FAM210A: variants seen among roughly 807,000 people sequenced by gnomAD.
The protein encoded by FAM210A is family with sequence similarity 210 member A.
FAM210A carries 13 observed loss-of-function variants against 25.3 expected under a neutral mutation model. The observed-to-expected ratio is 0.51, with a 90% CI of 0.33 to 0.82. The LOEUF (loss-of-function observed/expected upper bound fraction) is 0.82, where lower values mean the gene tolerates loss of function less well. Among genes scored for constraint, FAM210A ranks in the 40% least tolerant of loss-of-function variants. The pLI is 0.02. For synonymous variants in FAM210A, 125 were observed against 118.7 expected (o/e 1.05, Z -0.35); for missense variants, 319 against 323.2 (o/e 0.99, Z 0.10).
At chr18:13,717,065 G>A (rs375772244) in intron 1 of FAM210A, among the ~76,000 whole-genome samples, 5 of 152,162 alleles carry the variant, frequency 3.3e-5, no homozygotes, top group African/African-American at 1.2e-4. Flanking sequence ...TCCAGTTTCT[G>A]TTACTTGCAG....
At chr18:13,677,558 C>T (rs922987725) in intron 2 of FAM210A, among the ~76,000 whole-genome samples, 7 of 152,228 alleles carry the variant, frequency 4.6e-5, no homozygotes, top group Non-Finnish European at 1.0e-4. Context: ...CTGTAATTTA[C>T]AGATAACAGA....
chr18:13,667,690 C>G (rs763935000), intron 3 of FAM210A, among the ~76,000 whole-genome samples: 2 of 151,728 alleles, frequency 1.3e-5, no homozygotes, highest in Non-Finnish European at 2.9e-5. Context: ...TGCGCTCCAG[C>G]CTGGGCGACA....
intron 2 of FAM210A, among the ~76,000 whole-genome samples, chr18:13,673,181 A>G (rs1454634009): frequency 2.0e-5 from 3 of 151,302 alleles, no homozygotes; most frequent in Non-Finnish European, 4.4e-5. Context: ...TTTCCTGATT[A>G]TTAACATTCC....
intron 1 of FAM210A, among the ~76,000 whole-genome samples, chr18:13,689,658 G>A (rs1482616485): frequency 6.6e-6 from 1 of 152,128 alleles, no homozygotes; most frequent in Non-Finnish European, 1.5e-5. Context: ...TTCCCAGCTA[G>A]TGCAACAAGG....
intron 1 of FAM210A, among the ~76,000 whole-genome samples, chr18:13,714,147 T>C (rs1403087485): frequency 6.6e-6 from 1 of 152,192 alleles, no homozygotes; most frequent in Non-Finnish European, 1.5e-5. Context: ...CAAATTAGTA[T>C]AATATGTGTT....
chr18:13,696,849 G>A (rs2043698696), intron 1 of FAM210A, among the ~76,000 whole-genome samples: 1 of 151,916 alleles, frequency 6.6e-6, no homozygotes, highest in Non-Finnish European at 1.5e-5. Flanking sequence ...TATTTACAAA[G>A]TCCACAGTAG....
At chr18:13,672,342 C>T (rs2043449821) in intron 2 of FAM210A, among the ~76,000 whole-genome samples, 1 of 152,194 alleles carries the variant, frequency 6.6e-6, no homozygotes, top group African/African-American at 2.4e-5. Context: ...AATACCACTT[C>T]CTTAGAATGC....
intron 1 of FAM210A, chr18:13,715,487 C>A (rs1046653981): frequency 1.3e-5 from 2 of 152,208 alleles, no homozygotes; most frequent in Non-Finnish European, 2.9e-5. Flanking sequence ...TGTGATTGCA[C>A]TAATACATAT....
intron 1 of FAM210A, among the ~76,000 whole-genome samples, chr18:13,696,261 G>T (rs1268239740): frequency 1.3e-5 from 2 of 152,110 alleles, no homozygotes; most frequent in Admixed American, 1.3e-4. Context: ...AAAATACCCA[G>T]AATAGCCAAC....
At chr18:13,682,756 C>T (rs2043566451) in intron 1 of FAM210A, among the ~76,000 whole-genome samples, 1 of 152,144 alleles carries the variant, frequency 6.6e-6, no homozygotes, top group Non-Finnish European at 1.5e-5. Flanking sequence ...GTAATTCCAG[C>T]TACTCGGGAG....
rs139093482 is a variant in FAM210A at position 13,664,213 on chromosome 18, A to G, written c.*2267T>C. 103 of 152,358 alleles carry G rather than the reference A, an allele frequency of 6.8e-4. 1 individual carries two copies. Among genetic ancestry groups the G allele is most frequent in the African/African-American group, 2.3e-3 (97 of 41,590 alleles). The allele number at this position is 152,358 out of a possible 1,614,324, so 9.4% of individuals were successfully genotyped here. On this transcript the variant is annotated 3_prime_UTR_variant, in exon 4 of 4. Coordinates refer to ENST00000651643, the MANE Select transcript of FAM210A (RefSeq NM_152352.4). Reference sequence around the variant, plus strand: ...TCATTCAAGCAGTAACTCATTGTCTATTAGACTAACACAACATGATCATGA... The same window carrying G: ...TCATTCAAGCAGTAACTCATTGTCTGTTAGACTAACACAACATGATCATGA...
chr18:13,705,791 C>A (rs956130609), intron 1 of FAM210A, among the ~76,000 whole-genome samples: 1 of 152,106 alleles, frequency 6.6e-6, no homozygotes, highest in Admixed American at 6.6e-5. Flanking sequence ...AATTTCATAA[C>A]CAATGTTTAG....
Position 13,666,539 on chromosome 18 carries a change from GTCTA to G in FAM210A, c.756_759del (p.Arg253SerfsTer27). 6.2e-7 allele frequency: 1 copy of G among 1,614,092 alleles called. No individual in the cohort carries two copies. Among genetic ancestry groups the G allele is most frequent in the East Asian group, 2.2e-5 (1 of 44,880 alleles). On this transcript the variant is annotated frameshift_variant, in exon 4 of 4. Transcript: ENST00000651643. LOFTEE classifies it high-confidence loss of function. ...TTGGTTTCTTGTAACTTTTCAGTGA[GTCTA>G]TCTTTTGTTTCTTCCATTTTCTCTG...
chr18:13,705,298 A>G (rs1007379040), intron 1 of FAM210A, among the ~76,000 whole-genome samples: 2 of 152,242 alleles, frequency 1.3e-5, no homozygotes, highest in Non-Finnish European at 1.5e-5. Flanking sequence ...TCAAGAGGAC[A>G]TAAGTCTAAC....
intron 3 of FAM210A, among the ~76,000 whole-genome samples, chr18:13,670,081 C>T (rs758929752): frequency 2.0e-5 from 3 of 152,108 alleles, no homozygotes; most frequent in Non-Finnish European, 4.4e-5. Context: ...TCCACAAACA[C>T]GTGCTGAGCA....
intron 1 of FAM210A, among the ~76,000 whole-genome samples, chr18:13,719,638 C>A (rs1477314421): frequency 2.0e-5 from 3 of 152,010 alleles, no homozygotes; most frequent in Admixed American, 6.5e-5. Context: ...ATGGTTAATT[C>A]TCAGAAGTAA....
intron 1 of FAM210A, among the ~76,000 whole-genome samples, chr18:13,688,778 G>C (rs2043618758): frequency 6.6e-6 from 1 of 152,230 alleles, no homozygotes; most frequent in African/African-American, 2.4e-5. Flanking sequence ...CTAGGGCCTT[G>C]GGGTTGCAGG....
chr18:13,671,989 A>T lies in FAM210A; in HGVS notation c.474-16T>A. 1.3e-6 allele frequency: 2 copies of T among 1,490,736 alleles called. No homozygotes were observed. The highest frequency in any genetic ancestry group is 1.9e-6 in the Non-Finnish European group (2 of 1,075,978). The allele number at this position is 1,490,736 out of a possible 1,614,324, so 92.3% of individuals were successfully genotyped here. Reference sequence around the variant, plus strand: ...ATTCACTCCTCTACAAAAAAAAAAAAGTAATTTTCATATGTACAAACTTTT... The same window carrying T: ...ATTCACTCCTCTACAAAAAAAAAAATGTAATTTTCATATGTACAAACTTTT... On this transcript the variant is annotated splice_polypyrimidine_tract_variant and intron_variant, in intron 2 of 3. Coordinates refer to ENST00000651643, the MANE Select transcript of FAM210A (RefSeq NM_152352.4).
intron 3 of FAM210A, among the ~76,000 whole-genome samples, chr18:13,670,199 C>T (rs2043430474): frequency 1.3e-5 from 2 of 152,142 alleles, no homozygotes; most frequent in South Asian, 2.1e-4. Context: ...AAACACTTAA[C>T]ACCTAGCACA....
Sources: gnomAD v4.1 joint callset for allele counts (sites outside exome capture counted in the v4.1 genomes callset) on GRCh38, gnomAD v4.1.1 for gene constraint, MANE v1.5 for transcripts, NCBI Gene and HGNC (gene_info 2026-07-23, HGNC 2026-07-21) for gene names.